PDE4B: variants seen among roughly 807,000 people sequenced by gnomAD.
PDE4B encodes phosphodiesterase 4B.
Under a neutral mutation model 82.2 loss-of-function variants are expected in PDE4B, and 20 were observed. The observed-to-expected ratio is 0.24, with a 90% CI of 0.17 to 0.35. The LOEUF (loss-of-function observed/expected upper bound fraction) is 0.35. Ranked by LOEUF, PDE4B falls within the 10% of genes least tolerant of loss-of-function variation. The pLI, the probability that PDE4B is intolerant of heterozygous loss-of-function variation, is 1.00. For missense variants in PDE4B, 655 were observed against 907.2 expected (o/e 0.72, Z 3.57); for synonymous variants, 320 against 318.9 (o/e 1.00, Z -0.04).
chr1:65,888,347 C>A (rs1052237907), intron 1 of PDE4B, among the ~76,000 whole-genome samples: 3 of 152,080 alleles, frequency 2.0e-5, no homozygotes, highest in African/African-American at 4.8e-5. Flanking sequence ...TTAGTTATGA[C>A]AGTCTTGTAA....
intron 1 of PDE4B, among the ~76,000 whole-genome samples, chr1:65,862,932 C>A (rs989358830): frequency 1.3e-5 from 2 of 151,840 alleles, no homozygotes; most frequent in Non-Finnish European, 2.9e-5. Context: ...CTATTTGATT[C>A]TTCTCTCTTT....
intron 1 of PDE4B, among the ~76,000 whole-genome samples, chr1:65,867,938 A>G (rs546060241): frequency 7.8e-4 from 119 of 152,346 alleles, no homozygotes; most frequent in African/African-American, 2.7e-3. Flanking sequence ...TTACAGAGTC[A>G]CTAGTGCACT....
At chr1:66,116,083 A>G (rs1198884925) in intron 3 of PDE4B, among the ~76,000 whole-genome samples, 1 of 152,254 alleles carries the variant, frequency 6.6e-6, no homozygotes, top group African/African-American at 2.4e-5. Context: ...TTAGAGGGTT[A>G]GAACAAACAT....
chr1:66,024,409 A>G (rs74969060), intron 3 of PDE4B, among the ~76,000 whole-genome samples: 13,508 of 152,074 alleles, frequency 0.089, 937 homozygotes, highest in East Asian at 0.38. Context: ...CTGTCTGAAC[A>G]TTTTCAGATA....
At chr1:66,355,803 T>G (rs907142995) in intron 9 of PDE4B, among the ~76,000 whole-genome samples, 183 bp downstream of exon 9, 1 of 152,114 alleles carries the variant, frequency 6.6e-6, no homozygotes, top group Non-Finnish European at 1.5e-5. Context: ...ATCATGTTTT[T>G]GAAAAAAAAG....
At chr1:66,146,282 C>T (rs994008418) in intron 3 of PDE4B, among the ~76,000 whole-genome samples, 1 of 142,544 alleles carries the variant, frequency 7.0e-6, no homozygotes, top group African/African-American at 2.6e-5. Flanking sequence ...CTCCCAGGTT[C>T]ACGCCATTCT....
chr1:65,939,912 A>G (rs979463613), intron 3 of PDE4B, among the ~76,000 whole-genome samples: 1 of 152,144 alleles, frequency 6.6e-6, no homozygotes, highest in African/African-American at 2.4e-5. Context: ...TGAGGAACTT[A>G]CTAATCCTGT....
chr1:66,093,199 C>T (rs1468674565), intron 3 of PDE4B, among the ~76,000 whole-genome samples: 1 of 151,840 alleles, frequency 6.6e-6, no homozygotes, highest in Non-Finnish European at 1.5e-5. Context: ...ATTATCCAGG[C>T]AGGAAGATTG....
chr1:66,067,053 A>G (rs1439484471), intron 3 of PDE4B, among the ~76,000 whole-genome samples: 2 of 151,904 alleles, frequency 1.3e-5, no homozygotes, highest in African/African-American at 4.8e-5. Context: ...AACCTATAAG[A>G]CACAGCAACC....
intron 1 of PDE4B, among the ~76,000 whole-genome samples, chr1:65,905,850 A>C (rs1249716814): frequency 6.6e-6 from 1 of 152,150 alleles, no homozygotes; most frequent in Admixed American, 6.6e-5. Flanking sequence ...TGTAGGATGA[A>C]TAAGCGTTGA....
At chr1:66,085,955 A>G (rs1204873565) in intron 3 of PDE4B, among the ~76,000 whole-genome samples, 1 of 152,112 alleles carries the variant, frequency 6.6e-6, no homozygotes, top group African/African-American at 2.4e-5. Context: ...AAATGGAGAA[A>G]GAAAAGAATT....
intron 3 of PDE4B, among the ~76,000 whole-genome samples, chr1:65,995,981 T>C (rs1198699286): frequency 2.0e-5 from 3 of 152,190 alleles, no homozygotes; most frequent in African/African-American, 7.2e-5. Flanking sequence ...GTTCTGGCTT[T>C]AAAAACCCAA....
intron 3 of PDE4B, among the ~76,000 whole-genome samples, chr1:66,139,684 A>G (rs961442253): frequency 3.3e-5 from 5 of 151,550 alleles, no homozygotes; most frequent in African/African-American, 1.2e-4. Flanking sequence ...CCCCCTAGAA[A>G]CAAGGGAGCA....
intron 3 of PDE4B, among the ~76,000 whole-genome samples, chr1:66,020,945 G>A (rs180910429): frequency 2.2e-4 from 33 of 152,278 alleles, no homozygotes; most frequent in Admixed American, 7.8e-4. Flanking sequence ...GTGTAAAAGC[G>A]TTCCTACTCC....
chr1:65,939,165 T>C (rs1011823464), intron 3 of PDE4B, among the ~76,000 whole-genome samples: 3 of 152,086 alleles, frequency 2.0e-5, no homozygotes, highest in Admixed American at 1.3e-4. Flanking sequence ...AAGAGAACCA[T>C]TAAGATCCAT....
At chr1:66,101,073 C>A (rs1645213730) in intron 3 of PDE4B, among the ~76,000 whole-genome samples, 1 of 152,062 alleles carries the variant, frequency 6.6e-6, no homozygotes, top group Non-Finnish European at 1.5e-5. Flanking sequence ...TGAGTGAGAA[C>A]ATGCGGTGTT....
intron 9 of PDE4B, 112 bp downstream of exon 9, chr1:66,355,732 A>G: frequency 1.8e-6 from 1 of 561,414 alleles, no homozygotes; most frequent in Non-Finnish European, 3.2e-6. Context: ...GAGTCATAGA[A>G]AAATCCATTT....
At chr1:65,953,991 C>A (rs1458104536) in intron 3 of PDE4B, among the ~76,000 whole-genome samples, 1 of 152,010 alleles carries the variant, frequency 6.6e-6, no homozygotes, top group Non-Finnish European at 1.5e-5. Context: ...CTCCATCTCC[C>A]AGGTTCAAGT....
At chr1:66,049,487 C>T (rs1654899271) in intron 3 of PDE4B, among the ~76,000 whole-genome samples, 1 of 151,886 alleles carries the variant, frequency 6.6e-6, no homozygotes, top group Non-Finnish European at 1.5e-5. Flanking sequence ...ATAGAGGGTG[C>T]TGAAGAGAGT....
Sources: gnomAD v4.1 joint callset for allele counts (sites outside exome capture counted in the v4.1 genomes callset) on GRCh38, gnomAD v4.1.1 for gene constraint, MANE v1.5 for transcripts, NCBI Gene and HGNC (gene_info 2026-07-23, HGNC 2026-07-21) for gene names.